Variants in RYR3 observed in about 807,000 individuals in gnomAD.
The protein encoded by RYR3 is ryanodine receptor 3.
A neutral mutation model predicts 584.3 loss-of-function variants in RYR3; 207 were observed. The observed-to-expected ratio is 0.35, with a 90% CI of 0.32 to 0.40. The LOEUF (loss-of-function observed/expected upper bound fraction) is 0.40, where lower values mean the gene tolerates loss of function less well. Ranked by LOEUF, RYR3 falls within the 10% of genes least tolerant of loss-of-function variation. The probability of loss-of-function intolerance (pLI) is 1.00; values close to 1 mark genes in which losing one functional copy is unlikely to be tolerated. For synonymous variants in RYR3, 2,416 were observed against 2,248.5 expected (o/e 1.07, Z -2.11); for missense variants, 5,616 against 6,089.2 (o/e 0.92, Z 2.59).
At chr15:33,634,491 G>C in intron 24 of RYR3, 95 bp from the exon 25 acceptor site, 1 of 1,334,552 alleles carries the variant, frequency 7.5e-7, no homozygotes, top group South Asian at 1.3e-5. Flanking sequence ...AGAGCGACCA[G>C]AAAGCCAGGA....
In RYR3 at chr15:33,464,463, GATATATAT is replaced by G. The variant is rs569756898; in HGVS notation, c.52-8936_52-8929del. ...AGAAGAGAGACTGTAGGGAGGTGGA[GATATATAT>G]ATATATATATATATATATACACATA... On this transcript the variant is annotated intron_variant, in intron 1 of 103. Coordinates refer to ENST00000634891, the MANE Select transcript of RYR3 (RefSeq NM_001036.6). Among the ~76,000 whole-genome samples the G allele has an allele frequency of 7.8e-3, 617 of 79,250 alleles. 24 individuals carry two copies. Among genetic ancestry groups the G allele is most frequent in the African/African-American group, 0.031 (526 of 17,206 alleles). The allele number at this position is 79,250 out of a possible 152,430, so 52.0% of individuals were successfully genotyped here.
intron 3 of RYR3, among the ~76,000 whole-genome samples, chr15:33,530,309 A>C (rs1181397934): frequency 2.6e-5 from 4 of 152,162 alleles, no homozygotes; most frequent in African/African-American, 9.7e-5. Flanking sequence ...TGTCACTTAC[A>C]TGCTTCTCTG....
chr15:33,593,154 T>G (rs1235661381), intron 16 of RYR3, among the ~76,000 whole-genome samples: 1 of 152,020 alleles, frequency 6.6e-6, no homozygotes, highest in Non-Finnish European at 1.5e-5. Flanking sequence ...AGCAGAGGAG[T>G]GACTTTGACT....
chr15:33,674,179 G>A (rs2064017133), intron 38 of RYR3, among the ~76,000 whole-genome samples: 1 of 152,226 alleles, frequency 6.6e-6, no homozygotes, highest in South Asian at 2.1e-4. Context: ...GCTGTAGCAT[G>A]TTTAGTGCTG....
chr15:33,333,749 A>G (rs1225413989), intron 1 of RYR3, among the ~76,000 whole-genome samples: 1 of 152,218 alleles, frequency 6.6e-6, no homozygotes, highest in Non-Finnish European at 1.5e-5. Flanking sequence ...AAAGGAAGTT[A>G]AACTATCCCT....
chr15:33,333,590 T>C (rs976161827), intron 1 of RYR3, among the ~76,000 whole-genome samples: 24 of 152,106 alleles, frequency 1.6e-4, no homozygotes, highest in Non-Finnish European at 4.4e-5. Flanking sequence ...GCCAACATCA[T>C]ACTGAAGGGC....
chr15:33,757,837 A>C, intron 60 of RYR3: 4 of 515,544 alleles, frequency 7.8e-6, no homozygotes, highest in East Asian at 3.4e-5. Flanking sequence ...TTAAATCAAC[A>C]TCGGGACAGA....
At chr15:33,830,192 T>C (rs948386423) in intron 85 of RYR3, among the ~76,000 whole-genome samples, 4 of 152,230 alleles carry the variant, frequency 2.6e-5, no homozygotes, top group African/African-American at 4.8e-5. Flanking sequence ...GCGTCTTTCA[T>C]GAAAGGAAGT....
chr15:33,818,014 G>A (rs2076909421), intron 75 of RYR3, among the ~76,000 whole-genome samples: 1 of 152,226 alleles, frequency 6.6e-6, no homozygotes, highest in South Asian at 2.1e-4. Flanking sequence ...GCTCCAGGAT[G>A]GCAGCTCTCA....
chr15:33,826,558 CT>C (rs899578230), intron 83 of RYR3, 113 bp from the exon 84 acceptor site: 1 of 1,015,388 alleles, frequency 9.8e-7, no homozygotes, highest in African/African-American at 1.6e-5. Context: ...TCCAAAGTTC[CT>C]TTTCCAAACC....
At chr15:33,404,107 AAC>A (rs1292503233) in intron 1 of RYR3, among the ~76,000 whole-genome samples, 6 of 152,346 alleles carry the variant, frequency 3.9e-5, no homozygotes, top group African/African-American at 9.6e-5. Flanking sequence ...GTCGTAAAAT[AAC>A]AGTTAGCTTA....
chr15:33,583,866 A>C (rs372311410), intron 14 of RYR3, among the ~76,000 whole-genome samples: 83 of 152,218 alleles, frequency 5.5e-4, no homozygotes, highest in African/African-American at 1.9e-3. Context: ...AGCCTGGCCA[A>C]CATGGTGAAG....
intron 1 of RYR3, among the ~76,000 whole-genome samples, chr15:33,396,763 G>A (rs1463156749): frequency 3.3e-5 from 5 of 152,174 alleles, no homozygotes; most frequent in Non-Finnish European, 4.4e-5. Flanking sequence ...GGTGGTTACC[G>A]TCAGTGAGAT....
At chr15:33,587,677 C>G (rs182539832) in intron 16 of RYR3, among the ~76,000 whole-genome samples, 112 of 152,286 alleles carry the variant, frequency 7.4e-4, no homozygotes, top group African/African-American at 2.4e-3. Flanking sequence ...GCAATGTGAT[C>G]TTGGTACATA....
chr15:33,830,983 C>T lies in RYR3; in HGVS notation c.11355C>T (p.Tyr3785=), dbSNP rs1303222756. The T allele has an allele frequency of 6.2e-7, 1 of 1,613,514 alleles. No individual in the cohort carries two copies. Among genetic ancestry groups the T allele is most frequent in the Non-Finnish European group, 8.5e-7 (1 of 1,179,666 alleles). The change falls in exon 86 of 104, where the codon TAC becomes TAT. Residue 3785 remains tyrosine, a synonymous_variant. Transcript: ENST00000634891. The part of the protein sequence containing the change: ...LRLQESISDF[Y]WYYSGKDIID... ...TTTAGGAATCAATCAGTGATTTCTA[C>T]TGGTATTATTCAGGGAAGGACATCA...
At chr15:33,716,892 C>A (rs1191685297) in intron 43 of RYR3, among the ~76,000 whole-genome samples, 3 of 151,742 alleles carry the variant, frequency 2.0e-5, no homozygotes, top group Admixed American at 6.6e-5. Context: ...AAATCCACTT[C>A]ATCAACATTA....
At chr15:33,365,557 A>G (rs1975376869) in intron 1 of RYR3, among the ~76,000 whole-genome samples, 1 of 152,182 alleles carries the variant, frequency 6.6e-6, no homozygotes, top group Admixed American at 6.5e-5. Context: ...CAAAAAAGCC[A>G]TCAGTGATTG....
intron 1 of RYR3, among the ~76,000 whole-genome samples, chr15:33,416,260 GTTAT>G (rs917909069): frequency 4.4e-4 from 67 of 152,214 alleles, no homozygotes; most frequent in African/African-American, 1.5e-3. Flanking sequence ...TCTGTTTTTA[GTTAT>G]TTAAGAAATC....
At chr15:33,568,866 A>G (rs1355717878) in intron 12 of RYR3, among the ~76,000 whole-genome samples, 1 of 152,228 alleles carries the variant, frequency 6.6e-6, no homozygotes, top group Non-Finnish European at 1.5e-5. Flanking sequence ...CCACAGCCCT[A>G]GGCAACCACT....
Sources: allele counts gnomAD v4.1 joint callset (sites outside exome capture counted in the v4.1 genomes callset), GRCh38; gene constraint gnomAD v4.1.1; transcripts MANE v1.5; gene names NCBI Gene and HGNC (gene_info 2026-07-23, HGNC 2026-07-21).